The following ARMC2 variants were observed in gnomAD, a reference collection of about 807,000 sequenced individuals.
ARMC2 encodes armadillo repeat-containing protein 2.
ARMC2 carries 67 observed loss-of-function variants against 90.3 expected under a neutral mutation model. The ratio of observed to expected loss-of-function variants is 0.74; its 90% CI spans 0.61 to 0.91. The LOEUF (loss-of-function observed/expected upper bound fraction) is 0.91. Ranked by LOEUF, ARMC2 falls within the 40% of genes least tolerant of loss-of-function variation. The pLI, the probability that ARMC2 is intolerant of heterozygous loss-of-function variation, is 0.00. For missense variants in ARMC2, 920 were observed against 1,030.9 expected, an observed-to-expected ratio of 0.89 and a Z score of 1.47; for synonymous variants, 393 against 393.0, an observed-to-expected ratio of 1.00 and a Z score of 0.00.
chr6:108,951,700 G>T (rs141752578), intron 12 of ARMC2, among the ~76,000 whole-genome samples: 13 of 152,262 alleles, frequency 8.5e-5, no homozygotes, highest in African/African-American at 3.1e-4. Context: ...GGCCACACCC[G>T]ACGCCCCTCA....
chr6:108,893,560 G>C (rs1000325686), intron 5 of ARMC2, among the ~76,000 whole-genome samples: 1 of 152,182 alleles, frequency 6.6e-6, no homozygotes, highest in African/African-American at 2.4e-5. Flanking sequence ...CTTTCTTATT[G>C]TAACAGTGAC....
rs869186045 is a variant in ARMC2, at chr6:108,890,189, C to CAAAAAAAAAAAAAAA, written c.672-4252_672-4238dup. Among the ~76,000 whole-genome samples the CAAAAAAAAAAAAAAA allele has an allele frequency of 2.0e-4, 13 of 64,246 alleles. 1 individual carries two copies. Among genetic ancestry groups the CAAAAAAAAAAAAAAA allele is most frequent in the Admixed American group, 3.4e-4 (2 of 5,908 alleles). 42.1% of individuals were successfully genotyped at this position (64,246 alleles called of 152,430 possible). On this transcript the variant is annotated intron_variant, in intron 5 of 17. Transcript: ENST00000392644. ...TGGGTGACAGAGCGAGACTCCGTCT[C>CAAAAAAAAAAAAAAA]AAAAAAAAAAAAAAAAAAAAAAAAA...
intron 11 of ARMC2, among the ~76,000 whole-genome samples, chr6:108,934,974 G>A (rs1463727600): frequency 1.3e-5 from 2 of 151,570 alleles, no homozygotes; most frequent in African/African-American, 2.4e-5. Context: ...TATTATTATT[G>A]TCATTATCAT....
chr6:108,965,814 A>T (rs1222237416), intron 17 of ARMC2, among the ~76,000 whole-genome samples: 3 of 150,006 alleles, frequency 2.0e-5, no homozygotes, highest in Non-Finnish European at 4.4e-5. Context: ...CCAGATAATT[A>T]AAAAAAAATT....
In ARMC2 at chr6:108,964,134, G is replaced by C. The variant is rs200666299; in HGVS notation, c.2153-46G>C. On this transcript the variant is annotated intron_variant, in intron 15 of 17. Coordinates refer to ENST00000392644, the MANE Select transcript of ARMC2 (RefSeq NM_032131.6). ...CATCTGTAAAACAAGAGACAGCTGG[G>C]AATCCTGAACTTTTACTGGTCTGCA... 1.2e-4 allele frequency: 188 copies of C among 1,586,474 alleles called. 2 individuals carry two copies. Among genetic ancestry groups the C allele is most frequent in the Non-Finnish European group, 1.7e-5 (20 of 1,168,238 alleles).
At position 108,964,216 on chromosome 6, in the gene ARMC2, A is replaced by G. The variant is rs2128514438; in HGVS notation, c.2189A>G (p.His730Arg). 1.2e-6 allele frequency: 2 copies of G among 1,613,982 alleles called. No individual in the cohort carries two copies. The highest frequency in any genetic ancestry group is 1.1e-5 in the South Asian group (1 of 91,070). ...ATGATGGCGCTGCTGGATGCTCAGC[A>G]TCAGGATATCTGCTTTTCTGCCTGT... The part of the protein sequence containing the change: ...RFMMALLDAQ[H>R]QDICFSACGV... Residue 730 changes from histidine to arginine, a missense_variant, in exon 16 of 18, where the codon CAT (histidine) becomes CGT (arginine). Physicochemically the swap from His to Arg is conservative, Grantham distance 29. Transcript: ENST00000392644.
chr6:108,966,662 C>T (rs973896475), intron 17 of ARMC2, among the ~76,000 whole-genome samples: 2 of 151,704 alleles, frequency 1.3e-5, no homozygotes, highest in Non-Finnish European at 1.5e-5. Flanking sequence ...TCACAGTCGG[C>T]TCCATGAGCA....
downstream of ARMC2, among the ~76,000 whole-genome samples, chr6:108,975,405 T>C (rs1191734201): frequency 6.6e-6 from 1 of 152,234 alleles, no homozygotes; most frequent in African/African-American, 2.4e-5. Flanking sequence ...CAGTCTATCA[T>C]TGATGGGCAT....
chr6:109,028,559 C>T, the ARMC2 span, among the ~76,000 whole-genome samples: 4 of 152,052 alleles, frequency 2.6e-5, no homozygotes, highest in African/African-American at 7.2e-5. Context: ...TTCCAGAGAC[C>T]AGTGCCTTTC....
intron 1 of ARMC2, among the ~76,000 whole-genome samples, chr6:108,852,403 A>C (rs1447792862): frequency 6.6e-6 from 1 of 152,238 alleles, no homozygotes; most frequent in Non-Finnish European, 1.5e-5. Context: ...AAATTGTGTT[A>C]GAATTTTTGG....
intron 8 of ARMC2, among the ~76,000 whole-genome samples, chr6:108,906,671 A>C (rs1027207334): frequency 1.3e-5 from 2 of 152,060 alleles, no homozygotes; most frequent in Non-Finnish European, 2.9e-5. Context: ...GTTTTATAGA[A>C]TTGGGGTCTC....
intron 5 of ARMC2, among the ~76,000 whole-genome samples, chr6:108,884,528 G>A (rs1380298522): frequency 1.3e-5 from 2 of 152,124 alleles, no homozygotes; most frequent in Non-Finnish European, 2.9e-5. Context: ...GGGATTTGGG[G>A]GTGCATTTTG....
chr6:108,932,340 A>T (rs2128489758), intron 11 of ARMC2, among the ~76,000 whole-genome samples: 1 of 151,714 alleles, frequency 6.6e-6, no homozygotes, highest in African/African-American at 2.4e-5. Context: ...AGTATTGCCT[A>T]GGTTACCTTC....
chr6:108,873,957 G>A (rs1168351004), intron 4 of ARMC2, among the ~76,000 whole-genome samples: 1 of 152,158 alleles, frequency 6.6e-6, no homozygotes, highest in Admixed American at 6.5e-5. Flanking sequence ...TCTGTTTGTT[G>A]CCCAAGAGCC....
chr6:108,965,845 G>T (rs1778326473), intron 17 of ARMC2, among the ~76,000 whole-genome samples: 1 of 150,596 alleles, frequency 6.6e-6, no homozygotes, highest in Non-Finnish European at 1.5e-5. Context: ...TAGCGATGAG[G>T]TCTTGCTATG....
the ARMC2 span, among the ~76,000 whole-genome samples, chr6:109,036,936 TA>T: frequency 0.019 from 2,827 of 152,350 alleles, 47 homozygotes; most frequent in Non-Finnish European, 0.028. Context: ...CAAAAAGGTT[TA>T]CAGATGTTTA....
chr6:108,986,834 C>T, the ARMC2 span: 10 of 152,212 alleles, frequency 6.6e-5, no homozygotes, highest in African/African-American at 2.4e-4. Flanking sequence ...TTATAATTTA[C>T]ACACTTTCAT....
chr6:108,939,376 T>C (rs1776255435), intron 12 of ARMC2, among the ~76,000 whole-genome samples: 1 of 152,062 alleles, frequency 6.6e-6, no homozygotes, highest in Non-Finnish European at 1.5e-5. Context: ...ATGGGCGGAG[T>C]TCTCACGGAT....
the ARMC2 span, among the ~76,000 whole-genome samples, chr6:109,012,283 C>T: frequency 1.5e-4 from 22 of 150,864 alleles, no homozygotes; most frequent in Non-Finnish European, 2.7e-4. Flanking sequence ...CGCTCTGTCG[C>T]CCAGGCTGGA....
Sources: gnomAD v4.1 joint callset for allele counts (sites outside exome capture counted in the v4.1 genomes callset) on GRCh38, gnomAD v4.1.1 for gene constraint, MANE v1.5 for transcripts, NCBI Gene and HGNC (gene_info 2026-07-23, HGNC 2026-07-21) for gene names.